Variants in SEC62 observed in about 807,000 individuals in gnomAD.
SEC62 encodes SEC62 preprotein translocation factor, also known as translocation protein SEC62.
In SEC62, 10 loss-of-function variants were observed where a neutral mutation model predicts 47.5. That is an observed-to-expected ratio of 0.21 (90% CI 0.13 to 0.36). SEC62 has a LOEUF of 0.36. SEC62 is among the 10% of genes least tolerant of loss of function. The pLI, the probability that SEC62 is intolerant of heterozygous loss-of-function variation, is 1.00. For synonymous variants in SEC62, 136 were observed against 150.5 expected, an observed-to-expected ratio of 0.90 and a Z score of 0.71; for missense variants, 327 against 464.1, an observed-to-expected ratio of 0.70 and a Z score of 2.71.
intron 1 of SEC62, among the ~76,000 whole-genome samples, chr3:169,968,880 A>G (rs1714621611): frequency 6.6e-6 from 1 of 152,148 alleles, no homozygotes; most frequent in Non-Finnish European, 1.5e-5. Flanking sequence ...TGTCCTTGAA[A>G]TTTTCTACAT....
Position 169,976,984 on chromosome 3 carries a change from G to T in SEC62, c.184G>T (p.Ala62Ser), listed in dbSNP as rs1477927087. Residue 62 changes from alanine (A) to serine (S), a missense_variant, in exon 3 of 8, where the codon GCA becomes TCA. Around this residue, in one of 3 missense-constraint regions of SEC62, gnomAD observed 126 missense variants for 161.2 expected, o/e 0.78. Transcript: ENST00000337002. ...GGACTGTCTTTTGGATTCAAAGTGG[G>T]CAAAGGCCAAGAAAGGAGAGGAAGC... The part of the protein sequence containing the change: ...AVDCLLDSKW[A>S]KAKKGEEALF... 1.2e-6 allele frequency: 2 copies of T among 1,610,454 alleles called. No homozygotes were observed.
In SEC62 at chr3:169,996,942, C is replaced by A. The variant is rs144434342; in HGVS notation, c.*3879C>A. On this transcript the variant is annotated 3_prime_UTR_variant, in exon 8 of 8. Coordinates refer to ENST00000337002, the MANE Select transcript of SEC62 (RefSeq NM_003262.4). ...ATACCAAGGAGAAATTCCTAGGGAA[C>A]AAAAATTCCAATGAGGAATTGACCT... 1 of 152,146 alleles carries A rather than the reference C, an allele frequency of 6.6e-6. No homozygotes were observed. The highest frequency in any genetic ancestry group is 2.4e-5 in the African/African-American group (1 of 41,432). The allele number at this position is 152,146 out of a possible 1,614,324, so 9.4% of individuals were successfully genotyped here.
chr3:169,975,400 C>G (rs1714810606), intron 1 of SEC62: 2 of 399,236 alleles, frequency 5.0e-6, no homozygotes, highest in East Asian at 8.3e-5. Flanking sequence ...ACAGGCTTTG[C>G]CTCTATCAAC....
Position 169,973,307 on chromosome 3 carries a change from A to G in SEC62, c.37-2301A>G, listed in dbSNP as rs533618898. ...GCAGTCAGGCCTCAAATAAATCATT[A>G]TGAATCTTGTAGTTGTTCCTGAACT... On this transcript the variant is annotated intron_variant, in intron 1 of 7. Coordinates refer to ENST00000337002, the MANE Select transcript of SEC62 (RefSeq NM_003262.4). Among the ~76,000 whole-genome samples, 3 of 152,322 alleles carry G rather than the reference A, an allele frequency of 2.0e-5. No individual in the cohort carries two copies. The East Asian group carries it at 5.8e-4, about 29-fold the overall frequency.
chr3:169,980,490 T>C (rs1014738897), intron 3 of SEC62, among the ~76,000 whole-genome samples: 2 of 152,194 alleles, frequency 1.3e-5, no homozygotes, highest in Admixed American at 6.5e-5. Context: ...TTCAACACAA[T>C]TTGATTGAAA....
chr3:169,976,831 A>C (rs1714849716), intron 2 of SEC62, 115 bp from the exon 3 acceptor site: 1 of 571,294 alleles, frequency 1.8e-6, no homozygotes, highest in African/African-American at 1.9e-5. Context: ...TTTTCTGTTG[A>C]GTTTGGTTTT....
In SEC62 at chr3:169,992,483, G is replaced by A. The variant is rs760205176; in HGVS notation, c.731-111G>A. 3 of 712,694 alleles carry A rather than the reference G, an allele frequency of 4.2e-6. No homozygotes were observed. The highest frequency in any genetic ancestry group is 4.7e-6 in the Non-Finnish European group (2 of 427,524). The allele number at this position is 712,694 out of a possible 1,614,324, so 44.1% of individuals were successfully genotyped here. A position where few individuals can be genotyped will look rare whatever the true frequency, so the allele number is the denominator to read the frequency against. On this transcript the variant is annotated intron_variant, in intron 7 of 7. Transcript: ENST00000337002. This position sits in a 1 kb window ranked among gnomAD's most constrained non-coding sequence, Gnocchi z 4.0. ...CAGGATTTAAATATTAATATTTAAG[G>A]TGTATGAAATGTGCAGATAATAAAA...
intron 7 of SEC62, 73 bp downstream of exon 7, chr3:169,988,432 A>G (rs1715159370): frequency 6.6e-7 from 1 of 1,517,346 alleles, no homozygotes; most frequent in Non-Finnish European, 9.0e-7. Flanking sequence ...TTGGAGCTTC[A>G]GTAAAGCTTA....
At chr3:169,988,493 T>A in intron 7 of SEC62, 134 bp downstream of exon 7, 1 of 955,062 alleles carries the variant, frequency 1.0e-6, no homozygotes. Context: ...ACTTTCTGAG[T>A]CAAATCTCAA....
At chr3:169,979,070 T>C (rs1223868916) in intron 3 of SEC62, among the ~76,000 whole-genome samples, 1 of 152,216 alleles carries the variant, frequency 6.6e-6, no homozygotes, top group African/African-American at 2.4e-5. Flanking sequence ...TACCTTGTTA[T>C]TTGAAAAGCT....
chr3:169,991,735 A>T (rs993260670), intron 7 of SEC62, among the ~76,000 whole-genome samples: 6 of 152,192 alleles, frequency 3.9e-5, no homozygotes, highest in Admixed American at 1.3e-4. Context: ...GGATTAAAAG[A>T]TGGAAACTTT....
In SEC62 at chr3:169,994,589, T is replaced by C. The variant is rs1715330841; in HGVS notation, c.*1526T>C. The C allele has an allele frequency of 6.6e-6, 1 of 152,294 alleles. No homozygotes were observed. The highest frequency in any genetic ancestry group is 1.5e-5 in the Non-Finnish European group (1 of 68,010). 9.4% of individuals were successfully genotyped at this position (152,294 alleles called of 1,614,324 possible). A position where few individuals can be genotyped will look rare whatever the true frequency, so the allele number is the denominator to read the frequency against. On this transcript the variant is annotated 3_prime_UTR_variant, in exon 8 of 8. Coordinates refer to ENST00000337002, the MANE Select transcript of SEC62 (RefSeq NM_003262.4). ...TATGTCAAGGCTGCAATCACTTTAA[T>C]AGTTTCTTTTTAGCAAATAAATGTT...
At chr3:169,983,124 T>C (rs773563888) in intron 4 of SEC62, 37 bp from the exon 5 acceptor site, 1 of 1,530,832 alleles carries the variant, frequency 6.5e-7, no homozygotes, top group Admixed American at 1.8e-5. Flanking sequence ...TCTTGCTTAC[T>C]TGTGTTATTT....
Position 169,977,008 on chromosome 3 carries a change from G to T in SEC62, c.208G>T (p.Ala70Ser). The T allele has an allele frequency of 6.2e-7, 1 of 1,611,552 alleles. No homozygotes were observed. Among genetic ancestry groups the T allele is most frequent in the Non-Finnish European group, 8.5e-7 (1 of 1,178,354 alleles). ...KWAKAKKGEEALFTTRESVVD... is the reference protein window; with the variant it reads ...KWAKAKKGEESLFTTRESVVD... The stretch of plus-strand genomic sequence containing the variant: ...GGCAAAGGCCAAGAAAGGAGAGGAA[G>T]CTTTATTTACAACCAGGGAGTCTGT... The change falls in exon 3 of 8, where the codon GCT becomes TCT. Residue 70 changes from alanine to serine, a missense_variant. Ala to Ser is a moderately conservative substitution (Grantham distance 99, BLOSUM62 1). Coordinates refer to ENST00000337002, the MANE Select transcript of SEC62 (RefSeq NM_003262.4).
At chr3:169,970,798 T>G (rs146297277) in intron 1 of SEC62, among the ~76,000 whole-genome samples, 11 of 152,320 alleles carry the variant, frequency 7.2e-5, no homozygotes, top group African/African-American at 2.4e-4. Flanking sequence ...GATTGATAGG[T>G]TGGTTTCTCT....
chr3:169,992,415 A>G lies in SEC62; in HGVS notation c.731-179A>G, dbSNP rs902473606. ...CTCCTGGGCTCAAGTGATCCTCCCA[A>G]GTAGCTTGGATTAGAGGTTTAGCCA... On this transcript the variant is annotated intron_variant, in intron 7 of 7. Coordinates refer to ENST00000337002, the MANE Select transcript of SEC62 (RefSeq NM_003262.4). This position sits in a 1 kb window ranked among gnomAD's most constrained non-coding sequence, Gnocchi z 4.0. 1.1e-4 allele frequency among the ~76,000 whole-genome samples: 16 copies of G among 152,112 alleles called. No individual in the cohort carries two copies. Among genetic ancestry groups the G allele is most frequent in the African/African-American group, 3.6e-4 (15 of 41,418 alleles).
intron 7 of SEC62, among the ~76,000 whole-genome samples, chr3:169,991,089 C>T (rs997628224): frequency 1.3e-5 from 2 of 152,132 alleles, no homozygotes; most frequent in African/African-American, 4.8e-5. Context: ...TGTGATAACT[C>T]ATTACTACAA....
At chr3:169,986,363 C>T (rs1360680607) in intron 6 of SEC62, among the ~76,000 whole-genome samples, 2 of 152,156 alleles carry the variant, frequency 1.3e-5, no homozygotes, top group African/African-American at 4.8e-5. Flanking sequence ...TGCATTGACA[C>T]ATTATCTGTT....
intron 5 of SEC62, 42 bp from the exon 6 acceptor site, chr3:169,985,763 A>G (rs779953024): frequency 6.6e-7 from 1 of 1,513,164 alleles, no homozygotes; most frequent in South Asian, 1.2e-5. Context: ...TTCTAATGTG[A>G]CATTAGAACT....
Sources: allele counts gnomAD v4.1 joint callset (sites outside exome capture counted in the v4.1 genomes callset), GRCh38; gene constraint gnomAD v4.1.1; regional missense constraint gnomAD v4.1.1; non-coding constraint Gnocchi (gnomAD v3.1); transcripts MANE v1.5; gene names NCBI Gene and HGNC (gene_info 2026-07-23, HGNC 2026-07-21).